The following L3MBTL4 variants were observed in gnomAD, a reference collection of about 807,000 sequenced individuals.
L3MBTL4 encodes the protein L3MBTL histone methyl-lysine binding protein 4, also known as lethal(3)malignant brain tumor-like protein 4.
A neutral mutation model predicts 84.5 loss-of-function variants in L3MBTL4; 70 were observed. The ratio of observed to expected loss-of-function variants is 0.83; its 90% CI spans 0.68 to 1.01. The LOEUF (loss-of-function observed/expected upper bound fraction) is 1.01, where lower values mean the gene tolerates loss of function less well. Among genes scored for constraint, L3MBTL4 ranks in the 50% least tolerant of loss-of-function variants. The pLI is 0.00. For missense variants in L3MBTL4, 715 were observed against 754.8 expected, an observed-to-expected ratio of 0.95 and a Z score of 0.62; for synonymous variants, 274 against 259.8, an observed-to-expected ratio of 1.05 and a Z score of -0.52.
chr18:6,228,015 T>C (rs531000714), intron 10 of L3MBTL4, among the ~76,000 whole-genome samples: 1 of 152,290 alleles, frequency 6.6e-6, no homozygotes, highest in Admixed American at 6.5e-5. Flanking sequence ...CACTATCTGA[T>C]ACAGGCCACC....
At chr18:6,131,558 T>C (rs568097290) in intron 14 of L3MBTL4, among the ~76,000 whole-genome samples, 1 of 152,310 alleles carries the variant, frequency 6.6e-6, no homozygotes, top group East Asian at 1.9e-4. Context: ...GTTTTACTCA[T>C]TTAAATTCAT....
chr18:5,980,332 C>A (rs994768115), intron 16 of L3MBTL4, among the ~76,000 whole-genome samples: 1 of 152,168 alleles, frequency 6.6e-6, no homozygotes, highest in African/African-American at 2.4e-5. Flanking sequence ...GCCAGGATTC[C>A]CCCCAGGAAG....
At position 5,989,212 on chromosome 18, in the gene L3MBTL4, T is replaced by C. The variant is rs562717515; in HGVS notation, c.1445-19650A>G. Among the ~76,000 whole-genome samples the C allele has an allele frequency of 5.6e-4, 85 of 152,336 alleles. 1 individual carries two copies. Among genetic ancestry groups the C allele is most frequent in the Admixed American group, 4.1e-3 (62 of 15,296 alleles). On this transcript the variant is annotated intron_variant, in intron 16 of 18. Transcript: ENST00000317931. ...ATCTGCTTTCTATGTGAAAACCTCT[T>C]GATTTTTAAATGCTTGCAATGAATT...
At chr18:6,203,924 A>T (rs2045757647) in intron 12 of L3MBTL4, among the ~76,000 whole-genome samples, 1 of 152,126 alleles carries the variant, frequency 6.6e-6, no homozygotes, top group Non-Finnish European at 1.5e-5. Context: ...CAGCTGCCAC[A>T]TGGCTGCCCT....
At chr18:6,285,120 C>T (rs2049510157) in intron 4 of L3MBTL4, among the ~76,000 whole-genome samples, 1 of 152,226 alleles carries the variant, frequency 6.6e-6, no homozygotes, top group Non-Finnish European at 1.5e-5. Context: ...GGCGAGGAGG[C>T]GTCCGCAGAG....
intron 1 of L3MBTL4, among the ~76,000 whole-genome samples, chr18:6,382,585 G>A (rs1285103407): frequency 1.3e-5 from 2 of 152,182 alleles, no homozygotes; most frequent in African/African-American, 4.8e-5. Context: ...CTGCAGGTCT[G>A]CTGCAGTTTG....
chr18:6,324,387 C>T (rs2051601567), intron 1 of L3MBTL4, among the ~76,000 whole-genome samples: 1 of 152,196 alleles, frequency 6.6e-6, no homozygotes, highest in Admixed American at 6.5e-5. Flanking sequence ...CTACAGCTTG[C>T]ACGATGCTCC....
intron 1 of L3MBTL4, among the ~76,000 whole-genome samples, chr18:6,313,225 T>C (rs2146961372): frequency 6.6e-6 from 1 of 152,320 alleles, no homozygotes; most frequent in Middle Eastern, 3.4e-3. Context: ...TCTCTCAATA[T>C]GTGTTTATTG....
chr18:6,143,258 A>G (rs2060249824), intron 13 of L3MBTL4, among the ~76,000 whole-genome samples: 1 of 152,212 alleles, frequency 6.6e-6, no homozygotes, highest in Non-Finnish European at 1.5e-5. Context: ...TATCCCTGAT[A>G]GGTACCATCA....
chr18:6,036,288 C>T (rs1432337652), intron 16 of L3MBTL4, among the ~76,000 whole-genome samples: 1 of 152,106 alleles, frequency 6.6e-6, no homozygotes, highest in African/African-American at 2.4e-5. Context: ...CTCTTTCATC[C>T]TCTGAAATTC....
intron 16 of L3MBTL4, chr18:6,031,093 G>T: frequency 1.0e-6 from 1 of 985,410 alleles, no homozygotes; most frequent in Non-Finnish European, 1.2e-6. Context: ...ATAGGAAGCT[G>T]GGGTTTGTGA....
chr18:6,072,359 T>C (rs1284105425), intron 16 of L3MBTL4, among the ~76,000 whole-genome samples: 3 of 152,120 alleles, frequency 2.0e-5, no homozygotes, highest in Middle Eastern at 3.2e-3. Flanking sequence ...AACAAAAAGT[T>C]AATAAAATCC....
chr18:5,993,082 G>A (rs1029720307), intron 16 of L3MBTL4, among the ~76,000 whole-genome samples: 5 of 152,310 alleles, frequency 3.3e-5, no homozygotes, highest in Admixed American at 3.3e-4. Flanking sequence ...ATGTCTGAAA[G>A]TTCCAAGAAA....
At position 6,237,882 on chromosome 18, in the gene L3MBTL4, C is replaced by T. The variant is rs1037107335; in HGVS notation, c.784+82G>A. ...ATATTAAATAGATATGTATTAAAAT[C>T]TGGTCTTCATAAACAAAATAAAAAT... On this transcript the variant is annotated intron_variant, in intron 10 of 18. Coordinates refer to ENST00000317931, the MANE Select transcript of L3MBTL4 (RefSeq NM_001330559.2). The T allele has an allele frequency of 5.0e-6, 5 of 997,754 alleles. No homozygotes were observed. In the African/African-American group the frequency reaches 8.0e-5, roughly 16 times the overall value. The allele number at this position is 997,754 out of a possible 1,614,324, so 61.8% of individuals were successfully genotyped here.
intron 1 of L3MBTL4, among the ~76,000 whole-genome samples, chr18:6,394,553 C>T (rs168180): frequency 6.6e-6 from 1 of 151,642 alleles, no homozygotes; most frequent in African/African-American, 2.4e-5. Context: ...GCCTCTCCCC[C>T]ACCAGGACAC....
Position 6,154,646 on chromosome 18 carries a change from C to T in L3MBTL4, c.1097-16350G>A, listed in dbSNP as rs868343288. 6.6e-5 allele frequency among the ~76,000 whole-genome samples: 10 copies of T among 152,300 alleles called. No individual in the cohort carries two copies. In the South Asian group the frequency reaches 1.2e-3, roughly 19 times the overall value. Reference sequence around the variant, plus strand: ...CCCTCAATTCACACCAATGACTTCACCTAATGCTCAACAACGCCAACTGTA... The same window carrying T: ...CCCTCAATTCACACCAATGACTTCATCTAATGCTCAACAACGCCAACTGTA... On this transcript the variant is annotated intron_variant, in intron 13 of 18. Transcript: ENST00000317931.
Position 5,969,472 on chromosome 18 carries a change from C to A in L3MBTL4, c.1535G>T (p.Gly512Val), listed in dbSNP as rs2052525776. 1.2e-6 allele frequency: 2 copies of A among 1,613,904 alleles called. No homozygotes were observed. Among genetic ancestry groups the A allele is most frequent in the African/African-American group, 1.3e-5 (1 of 74,904 alleles). Residue 512 changes from glycine to valine, a missense_variant, in exon 17 of 19, where the codon GGC becomes GTC. Physicochemically the swap from Gly to Val is moderately radical, Grantham distance 109. Transcript: ENST00000317931. The part of the protein sequence containing the change: ...SAHPFRDLPL[G>V]REQHCKLLPG... ...AAGCAACTTGCAGTGTTGCTCCCTG[C>A]CGAGGGGAAGGTCCCGAAAAGGGTG...
intron 1 of L3MBTL4, among the ~76,000 whole-genome samples, chr18:6,369,271 AT>A (rs1434329197): frequency 6.6e-6 from 1 of 152,178 alleles, no homozygotes. Context: ...ATTCATCAAT[AT>A]GCTGTAAATA....
chr18:6,405,213 C>T lies in L3MBTL4; in HGVS notation c.-91+9588G>A, dbSNP rs145004210. 2.8e-4 allele frequency among the ~76,000 whole-genome samples: 42 copies of T among 152,286 alleles called. No homozygotes were observed. In the East Asian group the frequency reaches 7.1e-3, roughly 26 times the overall value. ...AAACAGATCTTTCTTTTGTGCCCTA[C>T]GGCAGCAGTGGCCACGTAAACAATA... On this transcript the variant is annotated intron_variant, in intron 1 of 18. Coordinates refer to ENST00000317931, the MANE Select transcript of L3MBTL4 (RefSeq NM_001330559.2).
Sources: gnomAD v4.1 joint callset for allele counts (sites outside exome capture counted in the v4.1 genomes callset) on GRCh38, gnomAD v4.1.1 for gene constraint, MANE v1.5 for transcripts, NCBI Gene and HGNC (gene_info 2026-07-23, HGNC 2026-07-21) for gene names.